Variants in KCNN2 observed in about 807,000 individuals in gnomAD.
KCNN2 encodes the protein small conductance calcium-activated potassium channel protein 2.
Under a neutral mutation model 55.5 loss-of-function variants are expected in KCNN2, and 24 were observed. The ratio of observed to expected loss-of-function variants is 0.43; its 90% CI spans 0.31 to 0.61. The LOEUF (loss-of-function observed/expected upper bound fraction) is 0.61. Ranked by LOEUF, KCNN2 falls within the 20% of genes least tolerant of loss-of-function variation. The pLI is 0.08. For synonymous variants in KCNN2, 431 were observed against 336.1 expected, an observed-to-expected ratio of 1.28 and a Z score of -3.09; for missense variants, 754 against 853.6, an observed-to-expected ratio of 0.88 and a Z score of 1.45.
At chr5:114,483,222 C>A (rs967840799) in intron 5 of KCNN2, among the ~76,000 whole-genome samples, 1 of 150,776 alleles carries the variant, frequency 6.6e-6, no homozygotes, top group African/African-American at 2.4e-5. Context: ...TTTAAGGAAT[C>A]TGGGTAAGTA....
At chr5:114,241,820 G>A (rs916229761) in intron 2 of KCNN2, among the ~76,000 whole-genome samples, 561 of 5,596 alleles carry the variant, frequency 0.1, 123 homozygotes, top group African/African-American at 0.14. Context: ...ATATATATAT[G>A]TGTGTATATA....
intron 2 of KCNN2, among the ~76,000 whole-genome samples, chr5:114,280,847 G>T (rs1755608907): frequency 6.6e-6 from 1 of 152,076 alleles, no homozygotes; most frequent in Non-Finnish European, 1.5e-5. Context: ...TCTAAATTCT[G>T]TGAGGTTCTG....
At chr5:114,294,233 A>G (rs1203285773) in intron 2 of KCNN2, among the ~76,000 whole-genome samples, 1 of 152,028 alleles carries the variant, frequency 6.6e-6, no homozygotes, top group Non-Finnish European at 1.5e-5. Context: ...GCCTTCTGCT[A>G]GTTTTTGAAT....
intron 1 of KCNN2, among the ~76,000 whole-genome samples, chr5:114,127,260 C>A (rs765541468): frequency 3.4e-4 from 52 of 152,202 alleles, no homozygotes; most frequent in Non-Finnish European, 5.7e-4. Context: ...TCCTTCTGCA[C>A]TGCCCTGGAA....
intron 1 of KCNN2, among the ~76,000 whole-genome samples, chr5:114,128,741 G>A (rs1310411780): frequency 6.6e-6 from 1 of 151,896 alleles, no homozygotes; most frequent in Non-Finnish European, 1.5e-5. Flanking sequence ...TTCCATACTT[G>A]GGTTAATTTC....
chr5:114,098,275 A>G (rs1159706475), intron 1 of KCNN2, among the ~76,000 whole-genome samples: 3 of 152,090 alleles, frequency 2.0e-5, no homozygotes, highest in African/African-American at 7.2e-5. Context: ...GTAAGGGAAC[A>G]TTCACAGCTT....
chr5:114,077,337 C>A (rs564769492), intron 1 of KCNN2, among the ~76,000 whole-genome samples: 1 of 152,220 alleles, frequency 6.6e-6, no homozygotes, highest in Admixed American at 6.5e-5. Flanking sequence ...ACCACTCCAG[C>A]GTTACGAAGA....
At chr5:114,189,002 A>AG (rs2112560959) in intron 1 of KCNN2, among the ~76,000 whole-genome samples, 1 of 152,268 alleles carries the variant, frequency 6.6e-6, no homozygotes, top group Admixed American at 6.5e-5. Flanking sequence ...TTTTAAGGCA[A>AG]GGAAAAACTT....
intron 1 of KCNN2, among the ~76,000 whole-genome samples, chr5:114,115,594 T>G (rs1426386554): frequency 6.6e-6 from 1 of 152,080 alleles, no homozygotes; most frequent in Non-Finnish European, 1.5e-5. Context: ...TACCCAGACT[T>G]CCAAAGATTT....
intron 1 of KCNN2, among the ~76,000 whole-genome samples, chr5:114,110,429 A>G (rs1027123408): frequency 3.3e-5 from 5 of 151,982 alleles, no homozygotes; most frequent in Non-Finnish European, 7.4e-5. Flanking sequence ...AAATTCATAA[A>G]TTTCTCTTGC....
intron 1 of KCNN2, among the ~76,000 whole-genome samples, chr5:114,114,061 TGTAA>T (rs1751662464): frequency 6.6e-6 from 1 of 152,128 alleles, no homozygotes; most frequent in African/African-American, 2.4e-5. Context: ...TCCCTTTTCT[TGTAA>T]GTCTCTTTTC....
chr5:114,324,961 T>C (rs2150030937), intron 2 of KCNN2, among the ~76,000 whole-genome samples: 1 of 152,286 alleles, frequency 6.6e-6, no homozygotes, highest in South Asian at 2.1e-4. Context: ...AGACTGTTAG[T>C]AAAAATATGG....
chr5:114,319,894 C>T (rs1353327200), intron 2 of KCNN2, among the ~76,000 whole-genome samples: 2 of 152,170 alleles, frequency 1.3e-5, no homozygotes, highest in African/African-American at 4.8e-5. Context: ...AGAAACTCTC[C>T]ATTTTCTTCC....
intron 2 of KCNN2, among the ~76,000 whole-genome samples, chr5:114,272,361 A>G (rs1755362693): frequency 7.7e-6 from 1 of 130,672 alleles, no homozygotes; most frequent in Non-Finnish European, 1.6e-5. Flanking sequence ...TACATACCAT[A>G]TACACACACA....
chr5:114,324,548 T>G (rs1446324561), intron 2 of KCNN2, among the ~76,000 whole-genome samples: 1 of 152,162 alleles, frequency 6.6e-6, no homozygotes, highest in African/African-American at 2.4e-5. Context: ...AGGAAACAGA[T>G]TCTCCCTGTC....
intron 2 of KCNN2, among the ~76,000 whole-genome samples, chr5:114,312,422 CACACACACACACATATAT>C (rs1331091328): frequency 1.6e-3 from 79 of 49,898 alleles, no homozygotes; most frequent in South Asian, 1.8e-3. Flanking sequence ...CACACACACA[CACACACACACACATATAT>C]ATATATATAT....
intron 2 of KCNN2, among the ~76,000 whole-genome samples, chr5:114,322,576 TACAC>T (rs113249707): frequency 0.012 from 1,835 of 148,660 alleles, 45 homozygotes; most frequent in African/African-American, 0.04. Context: ...CACTCCCCCA[TACAC>T]ACACACACAC....
rs190864820 is a variant in KCNN2, at chr5:114,347,570, T to C, written c.-184-13375T>C. Among the ~76,000 whole-genome samples, 6 of 152,358 alleles carry C rather than the reference T, an allele frequency of 3.9e-5. No individual in the cohort carries two copies. In the East Asian group the frequency reaches 9.6e-4, roughly 24 times the overall value. The stretch of plus-strand genomic sequence containing the variant: ...CTAGACAAAACTTTCTGATCAATCT[T>C]ATTTCAGTGGTTTGGTATATTTCAC... On this transcript the variant is annotated intron_variant, in intron 2 of 10. Coordinates refer to the KCNN2 transcript ENST00000512097.
At chr5:114,345,245 A>C (rs1466997887) in intron 2 of KCNN2, among the ~76,000 whole-genome samples, 1 of 152,234 alleles carries the variant, frequency 6.6e-6, no homozygotes, top group Non-Finnish European at 1.5e-5. Context: ...TTTGTGGAAA[A>C]AAAAATATAC....
Sources: gnomAD v4.1 joint callset for allele counts (sites outside exome capture counted in the v4.1 genomes callset) on GRCh38, gnomAD v4.1.1 for gene constraint, MANE v1.5 for transcripts, NCBI Gene and HGNC (gene_info 2026-07-23, HGNC 2026-07-21) for gene names.